TNRC6B: variants seen among roughly 807,000 people sequenced by gnomAD.
TNRC6B encodes trinucleotide repeat containing adaptor 6B, also known as trinucleotide repeat-containing gene 6B protein.
In TNRC6B, 52 loss-of-function variants were observed where a neutral mutation model predicts 203.6. The ratio of observed to expected loss-of-function variants is 0.26; its 90% CI spans 0.20 to 0.32. TNRC6B has a LOEUF of 0.32. Among genes scored for constraint, TNRC6B ranks in the 10% least tolerant of loss-of-function variants. The pLI is 1.00. For synonymous variants in TNRC6B, 838 were observed against 845.7 expected (o/e 0.99, Z 0.16); for missense variants, 1,923 against 2,286.2 (o/e 0.84, Z 3.24).
At chr22:40,135,477 C>T (rs975413956) in intron 3 of TNRC6B, among the ~76,000 whole-genome samples, 4 of 152,086 alleles carry the variant, frequency 2.6e-5, no homozygotes, top group Non-Finnish European at 5.9e-5. Context: ...TTTTAGCAAC[C>T]TTATTGACAC....
chr22:40,110,821 T>C (rs2068325748), intron 1 of TNRC6B, among the ~76,000 whole-genome samples: 2 of 152,226 alleles, frequency 1.3e-5, no homozygotes, highest in South Asian at 4.1e-4. Context: ...TCATAGACTG[T>C]TACAGCTGAT....
intron 12 of TNRC6B, among the ~76,000 whole-genome samples, chr22:40,288,056 C>T (rs6001864): frequency 1.3e-5 from 2 of 152,056 alleles, no homozygotes; most frequent in Non-Finnish European, 2.9e-5. Flanking sequence ...AAGGCAGTTA[C>T]TCTGAATAAT....
Position 40,335,452 on chromosome 22 carries a change from G to T in TNRC6B, c.*12211G>T, listed in dbSNP as rs1161727675. On this transcript the variant is annotated 3_prime_UTR_variant, in exon 23 of 23. Coordinates refer to ENST00000454349, the MANE Select transcript of TNRC6B (RefSeq NM_001162501.2). ...TTATGTGTATTTTTTGCCATAGCAG[G>T]TACTGTATTTCTCATGCTGGATTTC... The T allele has an allele frequency of 4.7e-5, 7 of 147,542 alleles. No homozygotes were observed. Among genetic ancestry groups the T allele is most frequent in the Non-Finnish European group, 1.0e-4 (7 of 67,242 alleles). 9.1% of individuals were successfully genotyped at this position (147,542 alleles called of 1,614,324 possible).
intron 1 of TNRC6B, among the ~76,000 whole-genome samples, chr22:40,222,811 G>A (rs2069732880): frequency 8.1e-6 from 1 of 123,852 alleles, no homozygotes; most frequent in Non-Finnish European, 1.6e-5. Context: ...TGGCATATCA[G>A]CTCACTGCAC....
Position 40,325,146 on chromosome 22 carries a change from C to G in TNRC6B, c.*1905C>G, listed in dbSNP as rs770835070. On this transcript the variant is annotated 3_prime_UTR_variant, in exon 23 of 23. Transcript: ENST00000454349. Reference sequence around the variant, plus strand: ...TTGTACCAGCAAATACCTGCCCATTCCAACCCTTGGTGGGAGCAGACCTCT... The same window carrying G: ...TTGTACCAGCAAATACCTGCCCATTGCAACCCTTGGTGGGAGCAGACCTCT... 6.6e-6 allele frequency: 1 copy of G among 152,638 alleles called. No individual in the cohort carries two copies. Among genetic ancestry groups the G allele is most frequent in the Non-Finnish European group, 1.5e-5 (1 of 68,056 alleles). 9.5% of individuals were successfully genotyped at this position (152,638 alleles called of 1,614,324 possible). A position where few individuals can be genotyped will look rare whatever the true frequency, so the allele number is the denominator to read the frequency against.
chr22:40,176,460 T>C (rs376713052), upstream of TNRC6B, among the ~76,000 whole-genome samples: 5 of 152,202 alleles, frequency 3.3e-5, 1 homozygote, highest in East Asian at 1.9e-4. Context: ...TTACTTTCTT[T>C]CCTGAAGCCG....
chr22:40,079,818 T>C (rs984897939), intron 1 of TNRC6B, among the ~76,000 whole-genome samples: 52 of 151,888 alleles, frequency 3.4e-4, no homozygotes, highest in African/African-American at 1.2e-3. Flanking sequence ...TTTTTTGAGA[T>C]GGAGTCTCGC....
chr22:40,156,301 C>T lies in TNRC6B; in HGVS notation c.113+119C>T. ...ACGTTGGAGACATTGGGGAACTCAC[C>T]AGTTGCTTTGGTGGCTGTTAATGCA... On this transcript the variant is annotated intron_variant, in intron 4 of 23. Coordinates refer to the TNRC6B transcript ENST00000301923. 3.1e-6 allele frequency: 3 copies of T among 971,430 alleles called. No individual in the cohort carries two copies. In the South Asian group the frequency reaches 4.8e-5, roughly 16 times the overall value. 60.2% of individuals were successfully genotyped at this position (971,430 alleles called of 1,614,324 possible).
At chr22:40,267,765 A>T (rs2070500764) in intron 5 of TNRC6B, among the ~76,000 whole-genome samples, 1 of 152,124 alleles carries the variant, frequency 6.6e-6, no homozygotes, top group South Asian at 2.1e-4. Context: ...CCTACTCTAG[A>T]GGCTGAGGTA....
intron 3 of TNRC6B, among the ~76,000 whole-genome samples, chr22:40,136,949 T>C (rs2068605066): frequency 6.6e-6 from 1 of 152,220 alleles, no homozygotes; most frequent in South Asian, 2.1e-4. Context: ...TAAAGATAGT[T>C]AAATAGGGTA....
At chr22:40,311,949 A>G (rs757148811) in intron 17 of TNRC6B, among the ~76,000 whole-genome samples, 16 of 152,272 alleles carry the variant, frequency 1.1e-4, no homozygotes, top group Admixed American at 1.0e-3. Context: ...TTAAAATTTT[A>G]AAATGATTTA....
chr22:40,063,729 G>A (rs1054864369), intron 1 of TNRC6B, among the ~76,000 whole-genome samples: 3 of 151,200 alleles, frequency 2.0e-5, no homozygotes, highest in African/African-American at 7.3e-5. Flanking sequence ...TTGAGACAGG[G>A]TCTCACTCTG....
intron 1 of TNRC6B, chr22:40,106,952 G>C: frequency 1.7e-6 from 2 of 1,176,522 alleles, no homozygotes; most frequent in Admixed American, 3.4e-5. Flanking sequence ...CATCTTTTGG[G>C]CAAACTTCTT....
chr22:40,243,254 A>T (rs554624032), intron 1 of TNRC6B, among the ~76,000 whole-genome samples: 1 of 152,232 alleles, frequency 6.6e-6, no homozygotes, highest in Non-Finnish European at 1.5e-5. Context: ...TGAGACTCAC[A>T]CTATTTGATT....
intron 1 of TNRC6B, among the ~76,000 whole-genome samples, chr22:40,199,141 T>C (rs944159499): frequency 2.0e-5 from 3 of 152,080 alleles, no homozygotes; most frequent in Non-Finnish European, 2.9e-5. Flanking sequence ...ATTTAAGAAG[T>C]GATAGTCATG....
rs189307518 is a variant in TNRC6B at position 40,082,331 on chromosome 22, T to C, written c.-120-34724T>C. On this transcript the variant is annotated intron_variant, in intron 1 of 23. Coordinates refer to the TNRC6B transcript ENST00000301923. Reference sequence around the variant, plus strand: ...TCACATTTAAGTTTAGACTGGAAATTGAGAAGGAGCCAGCCAGAGGAGAGG... The same window carrying C: ...TCACATTTAAGTTTAGACTGGAAATCGAGAAGGAGCCAGCCAGAGGAGAGG... Among the ~76,000 whole-genome samples, 35 of 152,144 alleles carry C rather than the reference T, an allele frequency of 2.3e-4. No individual in the cohort carries two copies. In the East Asian group the frequency reaches 6.8e-3, roughly 29 times the overall value.
chr22:40,090,391 G>A (rs2068140245), intron 1 of TNRC6B, among the ~76,000 whole-genome samples: 1 of 142,278 alleles, frequency 7.0e-6, no homozygotes, highest in Non-Finnish European at 1.5e-5. Flanking sequence ...GTGTGTAGTG[G>A]CATCTCATTG....
At chr22:40,124,581 T>C (rs1030034048) in intron 2 of TNRC6B, among the ~76,000 whole-genome samples, 2 of 152,156 alleles carry the variant, frequency 1.3e-5, no homozygotes, top group Non-Finnish European at 2.9e-5. Context: ...CCTCCCAAAT[T>C]GCTGGGATTA....
At chr22:40,248,545 G>T (rs1169875429) in intron 2 of TNRC6B, among the ~76,000 whole-genome samples, 1 of 152,120 alleles carries the variant, frequency 6.6e-6, no homozygotes, top group Non-Finnish European at 1.5e-5. Context: ...AATAAAATAT[G>T]CCTCTGTAAT....
Sources: allele counts gnomAD v4.1 joint callset (sites outside exome capture counted in the v4.1 genomes callset), GRCh38; gene constraint gnomAD v4.1.1; transcripts MANE v1.5; gene names NCBI Gene and HGNC (gene_info 2026-07-23, HGNC 2026-07-21).